Variants in CDH13 observed in about 807,000 individuals in gnomAD.
CDH13 encodes cadherin 13, also known as cadherin-13.
CDH13 carries 24 observed loss-of-function variants against 63.8 expected under a neutral mutation model. That is an observed-to-expected ratio of 0.38 (90% CI 0.27 to 0.53). CDH13 has a LOEUF of 0.53. CDH13 is among the 20% of genes least tolerant of loss of function. The pLI is 0.85. For synonymous variants in CDH13, 503 were observed against 355.3 expected (o/e 1.42, Z -4.67); for missense variants, 1,049 against 903.1 (o/e 1.16, Z -2.07).
intron 5 of CDH13, among the ~76,000 whole-genome samples, chr16:83,275,770 A>G (rs1186177204): frequency 6.6e-6 from 1 of 152,090 alleles, no homozygotes; most frequent in Admixed American, 6.6e-5. Flanking sequence ...TGGGAATTAA[A>G]CCTTCCATTC....
At chr16:82,686,241 A>T (rs1915058100) in intron 1 of CDH13, among the ~76,000 whole-genome samples, 1 of 152,214 alleles carries the variant, frequency 6.6e-6, no homozygotes, top group Admixed American at 6.5e-5. Context: ...TCTTGAAAGT[A>T]AATCAGGACT....
chr16:82,744,933 A>G (rs950914837), intron 1 of CDH13, among the ~76,000 whole-genome samples: 3 of 152,178 alleles, frequency 2.0e-5, no homozygotes, highest in African/African-American at 7.2e-5. Context: ...GCTGCCTCTC[A>G]CAACACACAT....
rs183375356 is a variant in CDH13 at position 83,251,404 on chromosome 16, C to T, written c.636+33907C>T. 2.5e-3 allele frequency among the ~76,000 whole-genome samples: 388 copies of T among 152,256 alleles called. 9 individuals carry two copies. The highest frequency in any genetic ancestry group is 0.021 in the Admixed American group (322 of 15,294). On this transcript the variant is annotated intron_variant, in intron 5 of 13. Coordinates refer to ENST00000567109, the MANE Select transcript of CDH13 (RefSeq NM_001257.5). ...ATTGCCCCATTTTAAAGAGAAGGCACCTGAGGCTCTTAGAAATTAAGGGAT... is the reference window on the plus strand; with the variant it reads ...ATTGCCCCATTTTAAAGAGAAGGCATCTGAGGCTCTTAGAAATTAAGGGAT...
intron 5 of CDH13, among the ~76,000 whole-genome samples, chr16:83,297,514 C>G (rs546257619): frequency 2.0e-5 from 3 of 152,216 alleles, no homozygotes; most frequent in South Asian, 2.1e-4. Context: ...TAACTTATCT[C>G]TCATGCACCA....
At chr16:83,028,424 C>G (rs182371664) in intron 2 of CDH13, among the ~76,000 whole-genome samples, 1 of 152,118 alleles carries the variant, frequency 6.6e-6, no homozygotes, top group African/African-American at 2.4e-5. Flanking sequence ...GCCTTAGAAC[C>G]TTTGCAGAGC....
chr16:83,434,272 T>C (rs532433409), intron 6 of CDH13, among the ~76,000 whole-genome samples: 101 of 152,306 alleles, frequency 6.6e-4, no homozygotes, highest in African/African-American at 2.4e-3. Flanking sequence ...ATCATAGGGC[T>C]TGGAATTTTG....
intron 13 of CDH13, chr16:83,790,242 A>G (rs772497841): frequency 1.3e-5 from 2 of 152,232 alleles, no homozygotes; most frequent in Non-Finnish European, 1.5e-5. Flanking sequence ...TCAGTTTAGT[A>G]TGACCTGATC....
chr16:83,205,468 G>A (rs1163201951), intron 4 of CDH13, among the ~76,000 whole-genome samples: 1 of 152,118 alleles, frequency 6.6e-6, no homozygotes, highest in South Asian at 2.1e-4. Flanking sequence ...GAGGTTCATA[G>A]AGTTTATTGA....
chr16:83,512,557 G>C (rs1364915728), intron 7 of CDH13, among the ~76,000 whole-genome samples: 2 of 150,516 alleles, frequency 1.3e-5, no homozygotes, highest in Non-Finnish European at 3.0e-5. Context: ...AGTCCCAGCT[G>C]CTCAGGAGGC....
chr16:82,828,611 G>C (rs956473974), intron 1 of CDH13, among the ~76,000 whole-genome samples: 5 of 151,884 alleles, frequency 3.3e-5, no homozygotes, highest in South Asian at 4.2e-4. Flanking sequence ...AACAGAATGA[G>C]GGCCTGTCTA....
intron 2 of CDH13, among the ~76,000 whole-genome samples, chr16:82,999,368 C>G (rs534154676): frequency 3.9e-5 from 6 of 152,222 alleles, no homozygotes; most frequent in Non-Finnish European, 7.4e-5. Context: ...CTCCCAATAA[C>G]AGGATTTAAG....
At chr16:83,705,449 T>C (rs945588186) in intron 10 of CDH13, among the ~76,000 whole-genome samples, 5 of 152,096 alleles carry the variant, frequency 3.3e-5, no homozygotes, top group African/African-American at 7.2e-5. Flanking sequence ...GGTGAAATCC[T>C]GTCTCTACTA....
chr16:83,136,707 G>A lies in CDH13; in HGVS notation c.483+11206G>A, dbSNP rs560150994. Among the ~76,000 whole-genome samples the A allele has an allele frequency of 1.2e-4, 18 of 152,124 alleles. No individual in the cohort carries two copies. The East Asian group carries it at 2.7e-3, about 23-fold the overall frequency. On this transcript the variant is annotated intron_variant, in intron 4 of 13. Transcript: ENST00000567109. Reference sequence around the variant, plus strand: ...GACGATCAAACACCAGGGATGTTCCGCAGCCTGAATGCAGACAGCTTCAGT... The same window carrying A: ...GACGATCAAACACCAGGGATGTTCCACAGCCTGAATGCAGACAGCTTCAGT...
chr16:82,702,057 C>T (rs57353982), intron 1 of CDH13, among the ~76,000 whole-genome samples: 15,312 of 152,212 alleles, frequency 0.1, 964 homozygotes, highest in South Asian at 0.27. Context: ...ATCCAACTCA[C>T]CTTTCCCACT....
chr16:83,037,525 T>C (rs1328816255), intron 3 of CDH13, among the ~76,000 whole-genome samples: 1 of 152,186 alleles, frequency 6.6e-6, no homozygotes, highest in Non-Finnish European at 1.5e-5. Flanking sequence ...GGATCCCGTA[T>C]CTGGATGATT....
chr16:82,650,965 C>G (rs1910655584), intron 1 of CDH13, among the ~76,000 whole-genome samples: 2 of 152,190 alleles, frequency 1.3e-5, no homozygotes, highest in African/African-American at 2.4e-5. Context: ...AATGGGTTTT[C>G]TCTTTCTGTG....
At chr16:82,871,800 C>T (rs985069650) in intron 2 of CDH13, among the ~76,000 whole-genome samples, 1 of 152,130 alleles carries the variant, frequency 6.6e-6, no homozygotes, top group Non-Finnish European at 1.5e-5. Flanking sequence ...CCCAGCTTTG[C>T]TTTCTATAAT....
intron 8 of CDH13, among the ~76,000 whole-genome samples, chr16:83,625,757 A>C (rs7193862): frequency 0.14 from 21,635 of 152,178 alleles, 1,725 homozygotes; most frequent in African/African-American, 0.21. Flanking sequence ...CCACCCCCTG[A>C]AATTAGGGAG....
At chr16:83,119,241 A>G (rs1194164489) in intron 3 of CDH13, among the ~76,000 whole-genome samples, 1 of 152,132 alleles carries the variant, frequency 6.6e-6, no homozygotes, top group Non-Finnish European at 1.5e-5. Context: ...GAAACTCATC[A>G]GATGGTTACG....
Sources: gnomAD v4.1 joint callset for allele counts (sites outside exome capture counted in the v4.1 genomes callset) on GRCh38, gnomAD v4.1.1 for gene constraint, MANE v1.5 for transcripts, NCBI Gene and HGNC (gene_info 2026-07-23, HGNC 2026-07-21) for gene names.